Variants in FCHO2 observed in about 807,000 individuals in gnomAD.
The protein encoded by FCHO2 is FCH and mu domain containing endocytic adaptor 2.
In FCHO2, 43 loss-of-function variants were observed where a neutral mutation model predicts 114.1. The observed-to-expected ratio is 0.38, with a 90% CI of 0.30 to 0.49. The LOEUF (loss-of-function observed/expected upper bound fraction) is 0.49. Ranked by LOEUF, FCHO2 falls within the 20% of genes least tolerant of loss-of-function variation. The pLI, the probability that FCHO2 is intolerant of heterozygous loss-of-function variation, is 0.97. For synonymous variants in FCHO2, 293 were observed against 315.2 expected (o/e 0.93, Z 0.75); for missense variants, 807 against 950.4 (o/e 0.85, Z 1.98).
At chr5:73,007,507 A>G (rs1754782929) in intron 6 of FCHO2, among the ~76,000 whole-genome samples, 1 of 152,232 alleles carries the variant, frequency 6.6e-6, no homozygotes, top group South Asian at 2.1e-4. Context: ...GTAGGCACTC[A>G]GTTAATATGA....
intron 20 of FCHO2, 44 bp from the exon 21 acceptor site, chr5:73,077,294 A>T: frequency 6.6e-7 from 1 of 1,523,676 alleles, no homozygotes; most frequent in Non-Finnish European, 8.8e-7. Context: ...TTAAATAGAG[A>T]TTAGAGCATT....
intron 18 of FCHO2, 134 bp from the exon 19 acceptor site, chr5:73,068,516 C>A (rs1742474767): frequency 7.6e-6 from 6 of 786,684 alleles, no homozygotes; most frequent in Middle Eastern, 2.5e-4. Context: ...TATATGGCAT[C>A]TCTGATACTA....
At chr5:73,050,009 C>A (rs1757267609) in intron 11 of FCHO2, among the ~76,000 whole-genome samples, 1 of 152,064 alleles carries the variant, frequency 6.6e-6, no homozygotes, top group African/African-American at 2.4e-5. Context: ...TGCCCAAATT[C>A]TAGAATATTA....
chr5:73,046,864 A>G (rs79688044), intron 11 of FCHO2, among the ~76,000 whole-genome samples: 8,192 of 152,112 alleles, frequency 0.054, 359 homozygotes, highest in Admixed American at 0.12. Context: ...TAGACTGTTT[A>G]TTTAGTCTGG....
chr5:73,057,481 T>C (rs78290793), intron 16 of FCHO2, among the ~76,000 whole-genome samples: 1,614 of 152,260 alleles, frequency 0.011, 22 homozygotes, highest in African/African-American at 0.037. Context: ...CTTATGTAAT[T>C]ACAGCACTTT....
Position 73,081,775 on chromosome 5 carries a change from C to A in FCHO2, c.1981-8C>A. The A allele has an allele frequency of 6.7e-7, 1 of 1,490,216 alleles. No homozygotes were observed. The highest frequency in any genetic ancestry group is 1.4e-5 in the South Asian group (1 of 71,442). 92.3% of individuals were successfully genotyped at this position (1,490,216 alleles called of 1,614,324 possible). A position where few individuals can be genotyped will look rare whatever the true frequency, so the allele number is the denominator to read the frequency against. On this transcript the variant is annotated splice_polypyrimidine_tract_variant and splice_region_variant and intron_variant, in intron 22 of 25. Coordinates refer to ENST00000430046, the MANE Select transcript of FCHO2 (RefSeq NM_138782.3). ...CAAAAACAATTGTTTGTTCTTTTCT[C>A]TTTAAAGGTATCATCAAATGGTATT...
Position 73,063,872 on chromosome 5 carries a change from C to T in FCHO2, c.1377C>T (p.Thr459=). 2 of 1,612,116 alleles carry T rather than the reference C, an allele frequency of 1.2e-6. No homozygotes were observed. Among genetic ancestry groups the T allele is most frequent in the East Asian group, 2.2e-5 (1 of 44,834 alleles). The change falls in exon 18 of 26, where the codon ACC becomes ACT. Residue 459 remains threonine, a synonymous_variant. Transcript: ENST00000430046. ...ARPTTPLSVG[T]IVPPPRPASR... is the part of the protein sequence containing the mutation. ...CCACAACTCCTCTTTCTGTAGGCAC[C>T]ATTGTCCCACCTCCGAGGCCTGCTT... is the stretch of plus-strand genomic sequence containing the variant.
chr5:73,064,503 T>G (rs1402952410), intron 18 of FCHO2, among the ~76,000 whole-genome samples: 1 of 152,074 alleles, frequency 6.6e-6, no homozygotes, highest in Non-Finnish European at 1.5e-5. Flanking sequence ...TGATCTGGTT[T>G]GTTTTGCTTC....
At chr5:72,991,339 C>T (rs909416479) in intron 5 of FCHO2, among the ~76,000 whole-genome samples, 1 of 152,220 alleles carries the variant, frequency 6.6e-6, no homozygotes, top group Non-Finnish European at 1.5e-5. Flanking sequence ...GCTGGGATTA[C>T]AGGCATGAGC....
At chr5:72,970,464 CTACT>C (rs1204232231) in intron 2 of FCHO2, among the ~76,000 whole-genome samples, 2 of 151,868 alleles carry the variant, frequency 1.3e-5, no homozygotes, top group East Asian at 3.9e-4. Flanking sequence ...TAGTTAATGC[CTACT>C]TATTCTTTTT....
At chr5:73,013,351 TTAAA>T (rs1225861294) in intron 6 of FCHO2, among the ~76,000 whole-genome samples, 1 of 152,104 alleles carries the variant, frequency 6.6e-6, no homozygotes, top group African/African-American at 2.4e-5. Flanking sequence ...AATTTAGACA[TTAAA>T]TATAGGGTCA....
intron 8 of FCHO2, among the ~76,000 whole-genome samples, chr5:73,030,045 GT>G (rs113431803): frequency 3.2e-4 from 43 of 135,250 alleles, no homozygotes; most frequent in Admixed American, 4.5e-4. Flanking sequence ...CTTTCTTTTT[GT>G]TTTTTTTTTT....
At chr5:73,077,742 C>G (rs1742960206) in intron 21 of FCHO2, among the ~76,000 whole-genome samples, 1 of 152,074 alleles carries the variant, frequency 6.6e-6, no homozygotes. Flanking sequence ...CCCAGCTACT[C>G]AGGAGGCTGA....
chr5:73,081,200 G>C (rs1743078547), intron 22 of FCHO2, among the ~76,000 whole-genome samples: 1 of 152,218 alleles, frequency 6.6e-6, no homozygotes, highest in South Asian at 2.1e-4. Context: ...TGAAAATACA[G>C]TTTTCAGTGT....
intron 9 of FCHO2, among the ~76,000 whole-genome samples, chr5:73,035,332 T>A (rs1409123978): frequency 6.6e-6 from 1 of 152,036 alleles, no homozygotes; most frequent in Non-Finnish European, 1.5e-5. Flanking sequence ...GGTAGAAGGA[T>A]TGCTGGAGCC....
At chr5:72,959,046 A>G (rs562806451) in intron 1 of FCHO2, among the ~76,000 whole-genome samples, 77 of 152,330 alleles carry the variant, frequency 5.1e-4, no homozygotes, top group African/African-American at 1.8e-3. Context: ...GAGACCTCCA[A>G]ATCTAATTTA....
At chr5:73,064,973 T>TG (rs1435533148) in intron 18 of FCHO2, among the ~76,000 whole-genome samples, 8 of 152,030 alleles carry the variant, frequency 5.3e-5, no homozygotes, top group African/African-American at 1.7e-4. Flanking sequence ...ATGTACTTTT[T>TG]TTGTGTGTGT....
At chr5:73,042,675 G>T (rs1171525464) in intron 11 of FCHO2, among the ~76,000 whole-genome samples, 1 of 152,136 alleles carries the variant, frequency 6.6e-6, no homozygotes, top group East Asian at 1.9e-4. Context: ...ATCAGAGACT[G>T]GCAGAGCATC....
chr5:72,965,621 G>A (rs1752161053), intron 1 of FCHO2, among the ~76,000 whole-genome samples: 1 of 152,168 alleles, frequency 6.6e-6, no homozygotes, highest in Admixed American at 6.5e-5. Flanking sequence ...CTGGAGAGCT[G>A]TCATTGCATG....
Sources: allele counts gnomAD v4.1 joint callset (sites outside exome capture counted in the v4.1 genomes callset), GRCh38; gene constraint gnomAD v4.1.1; transcripts MANE v1.5; gene names NCBI Gene and HGNC (gene_info 2026-07-23, HGNC 2026-07-21).